The following WWOX variants were observed in gnomAD, a reference collection of about 807,000 sequenced individuals.
The protein encoded by WWOX is WW domain containing oxidoreductase, also known as WW domain-containing oxidoreductase.
A neutral mutation model predicts 46.2 loss-of-function variants in WWOX; 69 were observed. The observed-to-expected ratio is 1.49, with a 90% confidence interval of 1.23 to 1.82. The LOEUF is 1.82. Ranked by LOEUF, WWOX falls within the 40% of genes most tolerant of loss-of-function variation. WWOX has a pLI of 0.00. For synonymous variants in WWOX, 359 were observed against 202.6 expected (o/e 1.77, Z -6.56); for missense variants, 919 against 542.6 (o/e 1.69, Z -6.89).
At chr16:78,753,825 A>AAAAAAAAAAAAT (rs2049556906) in intron 8 of WWOX, among the ~76,000 whole-genome samples, 3 of 21,358 alleles carry the variant, frequency 1.4e-4, no homozygotes, top group African/African-American at 2.0e-4. Context: ...AAAAAAAAAA[A>AAAAAAAAAAAAT]ATATATATAT....
At chr16:78,741,771 C>T (rs985029252) in intron 8 of WWOX, among the ~76,000 whole-genome samples, 2 of 152,154 alleles carry the variant, frequency 1.3e-5, no homozygotes, top group African/African-American at 4.8e-5. Flanking sequence ...AGGAGAATTG[C>T]TTGAATCCAG....
At chr16:78,763,924 C>T (rs2049860367) in intron 8 of WWOX, among the ~76,000 whole-genome samples, 1 of 152,152 alleles carries the variant, frequency 6.6e-6, no homozygotes, top group African/African-American at 2.4e-5. Context: ...CTTCTATTTC[C>T]TTTAGCACTC....
chr16:79,165,289 T>A (rs2050571871), intron 8 of WWOX, among the ~76,000 whole-genome samples: 1 of 152,198 alleles, frequency 6.6e-6, no homozygotes, highest in African/African-American at 2.4e-5. Flanking sequence ...CAATTTCATG[T>A]GTGTGTGCAC....
chr16:78,471,421 A>G (rs1263942003), intron 8 of WWOX, among the ~76,000 whole-genome samples: 2 of 152,166 alleles, frequency 1.3e-5, no homozygotes, highest in Admixed American at 6.6e-5. Flanking sequence ...CAAATGGGGA[A>G]CAGTCCTGTG....
At chr16:78,918,620 C>T (rs988993197) in intron 8 of WWOX, among the ~76,000 whole-genome samples, 11 of 152,136 alleles carry the variant, frequency 7.2e-5, no homozygotes, top group African/African-American at 1.4e-4. Flanking sequence ...GATTTGTATT[C>T]TTAGTTTTAT....
chr16:78,116,787 A>G (rs977657356), intron 4 of WWOX, among the ~76,000 whole-genome samples: 4 of 152,256 alleles, frequency 2.6e-5, no homozygotes, highest in African/African-American at 9.6e-5. Flanking sequence ...TTAACAAGTT[A>G]GCCAGAAACT....
chr16:78,261,197 C>T (rs958279682), intron 5 of WWOX, among the ~76,000 whole-genome samples: 5 of 150,490 alleles, frequency 3.3e-5, no homozygotes, highest in Admixed American at 3.3e-4. Flanking sequence ...AGATTGGTAT[C>T]ATGCTTTATG....
At chr16:78,546,096 G>T (rs1033981629) in intron 8 of WWOX, among the ~76,000 whole-genome samples, 1 of 152,184 alleles carries the variant, frequency 6.6e-6, no homozygotes, top group Non-Finnish European at 1.5e-5. Flanking sequence ...CCTACCCTCT[G>T]TCAGTTTTTT....
At chr16:78,357,348 C>T (rs1287919889) in intron 5 of WWOX, among the ~76,000 whole-genome samples, 2 of 152,140 alleles carry the variant, frequency 1.3e-5, no homozygotes, top group African/African-American at 2.4e-5. Context: ...AAACACACTC[C>T]AGAATGCAAA....
At chr16:78,337,499 T>C (rs2080919975) in intron 5 of WWOX, among the ~76,000 whole-genome samples, 1 of 152,150 alleles carries the variant, frequency 6.6e-6, no homozygotes, top group African/African-American at 2.4e-5. Flanking sequence ...AACTAGTCTA[T>C]AGTTTACATG....
intron 8 of WWOX, among the ~76,000 whole-genome samples, chr16:79,211,104 C>T (rs575880841): frequency 6.6e-6 from 1 of 151,578 alleles, no homozygotes; most frequent in East Asian, 1.9e-4. Context: ...CCTAGCAGCA[C>T]CGTGGGCAAA....
At chr16:78,603,946 A>G (rs961974906) in intron 8 of WWOX, among the ~76,000 whole-genome samples, 4 of 152,066 alleles carry the variant, frequency 2.6e-5, no homozygotes, top group Non-Finnish European at 4.4e-5. Flanking sequence ...GTTCAAGATC[A>G]GCCTGGGTAA....
At chr16:78,884,097 G>A (rs2044400713) in intron 8 of WWOX, among the ~76,000 whole-genome samples, 1 of 151,828 alleles carries the variant, frequency 6.6e-6, no homozygotes, top group Non-Finnish European at 1.5e-5. Context: ...GGGCCAACAT[G>A]GTGAAACCCT....
At position 79,155,586 on chromosome 16, in the gene WWOX, TAGAG is replaced by T. The variant is rs914212110; in HGVS notation, c.1057-56019_1057-56016del. Among the ~76,000 whole-genome samples the T allele has an allele frequency of 5.9e-5, 9 of 152,194 alleles. No individual in the cohort carries two copies. The South Asian group carries it at 1.7e-3, about 28-fold the overall frequency. Reference sequence around the variant, plus strand: ...TTGGCTGGATTTGGCCAAGTTGACATAGAGAGCCAATCCCTCATCTCCAGCAGGG... The same window carrying T: ...TTGGCTGGATTTGGCCAAGTTGACATAGCCAATCCCTCATCTCCAGCAGGG... On this transcript the variant is annotated intron_variant, in intron 8 of 8. Coordinates refer to ENST00000566780, the MANE Select transcript of WWOX (RefSeq NM_016373.4).
At chr16:78,589,989 G>T (rs184033851) in intron 8 of WWOX, among the ~76,000 whole-genome samples, 1 of 152,092 alleles carries the variant, frequency 6.6e-6, no homozygotes, top group Non-Finnish European at 1.5e-5. Context: ...GAAGGCTATG[G>T]TCACTCAACA....
chr16:78,431,949 C>G (rs2083228715), intron 7 of WWOX, among the ~76,000 whole-genome samples: 1 of 152,078 alleles, frequency 6.6e-6, no homozygotes, highest in African/African-American at 2.4e-5. Context: ...CTCCTACACT[C>G]AAGCAATCCT....
chr16:79,208,402 G>T (rs2051594329), intron 8 of WWOX, among the ~76,000 whole-genome samples: 1 of 152,074 alleles, frequency 6.6e-6, no homozygotes, highest in Admixed American at 6.5e-5. Context: ...AATCGTTTAG[G>T]GGAACCCATA....
intron 8 of WWOX, among the ~76,000 whole-genome samples, chr16:78,783,225 T>G (rs966711241): frequency 3.3e-5 from 5 of 152,230 alleles, no homozygotes; most frequent in African/African-American, 1.2e-4. Flanking sequence ...TTGACTTAAC[T>G]GTTCTCTTAG....
chr16:78,816,592 T>G (rs949870627), intron 8 of WWOX, among the ~76,000 whole-genome samples: 1 of 147,488 alleles, frequency 6.8e-6, no homozygotes, highest in African/African-American at 2.5e-5. Flanking sequence ...TTAAAAATTT[T>G]CATCTTTTGG....
Sources: gnomAD v4.1 joint callset for allele counts (sites outside exome capture counted in the v4.1 genomes callset) on GRCh38, gnomAD v4.1.1 for gene constraint, MANE v1.5 for transcripts, NCBI Gene and HGNC (gene_info 2026-07-23, HGNC 2026-07-21) for gene names.